The following CHN2 variants were observed in gnomAD, a reference collection of about 807,000 sequenced individuals.
The protein encoded by CHN2 is beta-chimaerin.
In CHN2, 35 loss-of-function variants were observed where a neutral mutation model predicts 56.3. The ratio of observed to expected loss-of-function variants is 0.62; its 90% CI spans 0.47 to 0.82. The LOEUF is 0.82. Among genes scored for constraint, CHN2 ranks in the 40% least tolerant of loss-of-function variants. The probability of loss-of-function intolerance (pLI) is 0.00; values close to 1 mark genes in which losing one functional copy is unlikely to be tolerated. For missense variants in CHN2, 491 were observed against 580.5 expected (o/e 0.85, Z 1.58); for synonymous variants, 210 against 212.8 (o/e 0.99, Z 0.12).
At chr7:29,173,838 C>T (rs1001680212) in intron 2 of CHN2, among the ~76,000 whole-genome samples, 6 of 150,450 alleles carry the variant, frequency 4.0e-5, no homozygotes, top group African/African-American at 1.5e-4. Context: ...GTAATTCCAT[C>T]TTACTTGGGG....
At chr7:29,254,671 C>T (rs1409345570) in intron 1 of CHN2, among the ~76,000 whole-genome samples, 1 of 152,096 alleles carries the variant, frequency 6.6e-6, no homozygotes, top group Non-Finnish European at 1.5e-5. Flanking sequence ...GGGGACTGGA[C>T]ATGAGAATCT....
intron 6 of CHN2, among the ~76,000 whole-genome samples, chr7:29,415,448 G>T (rs1803636864): frequency 6.6e-6 from 1 of 152,148 alleles, no homozygotes; most frequent in African/African-American, 2.4e-5. Flanking sequence ...ATGCTATTTT[G>T]GGTGGAGTTT....
intron 1 of CHN2, among the ~76,000 whole-genome samples, chr7:29,271,626 T>C (rs888826487): frequency 1.1e-4 from 17 of 152,216 alleles, no homozygotes; most frequent in African/African-American, 3.9e-4. Flanking sequence ...ATAACACTTA[T>C]AAGGAAGAAA....
At chr7:29,202,962 C>G (rs1208542316) in intron 1 of CHN2, among the ~76,000 whole-genome samples, 2 of 152,126 alleles carry the variant, frequency 1.3e-5, no homozygotes, top group Non-Finnish European at 2.9e-5. Flanking sequence ...CCATTGACCT[C>G]TAAGGGCCTG....
intron 6 of CHN2, among the ~76,000 whole-genome samples, chr7:29,429,099 G>C (rs577572204): frequency 2.6e-5 from 4 of 152,316 alleles, no homozygotes; most frequent in Non-Finnish European, 1.5e-5. Flanking sequence ...AATCTTTACA[G>C]TAGTTGACTG....
intron 3 of CHN2, among the ~76,000 whole-genome samples, chr7:29,390,174 GGTGCTCTCCCTCT>G (rs1801251259): frequency 6.6e-6 from 1 of 151,990 alleles, no homozygotes; most frequent in African/African-American, 2.4e-5. Flanking sequence ...CCTCCTACTT[GGTGCTCTCCCTCT>G]GTAAAGAGAG....
At chr7:29,329,627 C>T (rs1165213997) in intron 1 of CHN2, among the ~76,000 whole-genome samples, 3 of 152,118 alleles carry the variant, frequency 2.0e-5, no homozygotes, top group Non-Finnish European at 2.9e-5. Flanking sequence ...ATTCTCGAGT[C>T]GTGTGTACTT....
Position 29,504,797 on chromosome 7 carries a change from G to T in CHN2, c.967G>T (p.Asp323Tyr). 6.2e-7 allele frequency: 1 copy of T among 1,612,966 alleles called. No homozygotes were observed. The part of the protein sequence containing the change: ...RVSGFTEHIE[D>Y]VKMAFDRDGE... ...CTCTGGGTTCACTGAACACATTGAA[G>T]ATGTCAAAATGGCATTTGACAGAGG... The change falls in exon 10 of 13, where the codon GAT becomes TAT. Residue 323 changes from aspartate to tyrosine, a missense_variant. Asp to Tyr is a radical substitution (Grantham distance 160). Coordinates refer to ENST00000222792, the MANE Select transcript of CHN2 (RefSeq NM_004067.4).
At chr7:29,434,210 A>G (rs932208995) in intron 6 of CHN2, among the ~76,000 whole-genome samples, 1 of 152,204 alleles carries the variant, frequency 6.6e-6, no homozygotes, top group Admixed American at 6.5e-5. Context: ...ACACTAGTCA[A>G]CTAGATGCTG....
intron 6 of CHN2, among the ~76,000 whole-genome samples, chr7:29,450,895 C>G (rs1005000634): frequency 3.9e-5 from 6 of 151,978 alleles, no homozygotes; most frequent in African/African-American, 1.2e-4. Flanking sequence ...CTCAGCCTCC[C>G]GAGTAGCTGG....
intron 6 of CHN2, among the ~76,000 whole-genome samples, chr7:29,459,402 C>T (rs1784986430): frequency 6.6e-6 from 1 of 152,176 alleles, no homozygotes; most frequent in East Asian, 1.9e-4. Context: ...GTGGATGCAG[C>T]CCTGGAGGAA....
chr7:29,309,338 G>A (rs1404132343), intron 1 of CHN2, among the ~76,000 whole-genome samples: 2 of 152,104 alleles, frequency 1.3e-5, no homozygotes, highest in African/African-American at 4.8e-5. Context: ...GATTAATTCT[G>A]CTCTTGTATT....
chr7:29,453,856 G>C (rs1247743638), intron 6 of CHN2, among the ~76,000 whole-genome samples: 1 of 152,164 alleles, frequency 6.6e-6, no homozygotes, highest in Non-Finnish European at 1.5e-5. Context: ...GATTCCTCTA[G>C]TCAGCTTTGT....
intron 1 of CHN2, among the ~76,000 whole-genome samples, chr7:29,307,989 A>G (rs1794302001): frequency 6.6e-6 from 1 of 152,234 alleles, no homozygotes; most frequent in Non-Finnish European, 1.5e-5. Flanking sequence ...AAACTAATGC[A>G]TTTAGCACTG....
At position 29,322,630 on chromosome 7, in the gene CHN2, C is replaced by T. The variant is rs116831963; in HGVS notation, c.50-31995C>T. ...CACTGACTTTATTAGGATTTCAATA[C>T]GGTTCTGTGGCTCATAGAAGTAGCT... On this transcript the variant is annotated intron_variant, in intron 1 of 12. Coordinates refer to ENST00000222792, the MANE Select transcript of CHN2 (RefSeq NM_004067.4). 3.1e-3 allele frequency among the ~76,000 whole-genome samples: 475 copies of T among 152,270 alleles called. 1 individual carries two copies. Among genetic ancestry groups the T allele is most frequent in the African/African-American group, 0.011 (460 of 41,538 alleles).
At chr7:29,290,727 G>A (rs893322912) in intron 1 of CHN2, among the ~76,000 whole-genome samples, 3 of 152,172 alleles carry the variant, frequency 2.0e-5, no homozygotes, top group Non-Finnish European at 2.9e-5. Context: ...ACATTTAGAA[G>A]TGTTAATGGT....
At chr7:29,209,349 A>G (rs1784756310) in intron 1 of CHN2, among the ~76,000 whole-genome samples, 1 of 152,162 alleles carries the variant, frequency 6.6e-6, no homozygotes, top group Non-Finnish European at 1.5e-5. Context: ...CAAAAAGCTT[A>G]TTATAGTCTT....
chr7:29,295,143 GT>G (rs1793019516), intron 1 of CHN2, among the ~76,000 whole-genome samples: 1 of 152,164 alleles, frequency 6.6e-6, no homozygotes, highest in African/African-American at 2.4e-5. Flanking sequence ...TATGTAAATA[GT>G]TGTTACTCTG....
chr7:29,460,052 C>T (rs1450783481), intron 6 of CHN2, among the ~76,000 whole-genome samples: 1 of 151,952 alleles, frequency 6.6e-6, no homozygotes, highest in Non-Finnish European at 1.5e-5. Flanking sequence ...AGCAAATTCC[C>T]CTTAGCATAT....
Sources: gnomAD v4.1 joint callset for allele counts (sites outside exome capture counted in the v4.1 genomes callset) on GRCh38, gnomAD v4.1.1 for gene constraint, MANE v1.5 for transcripts, NCBI Gene and HGNC (gene_info 2026-07-23, HGNC 2026-07-21) for gene names.